Variants in ZPBP observed in about 807,000 individuals in gnomAD.
The protein encoded by ZPBP is zona pellucida-binding protein 1.
Under a neutral mutation model 44.8 loss-of-function variants are expected in ZPBP, and 26 were observed. The ratio of observed to expected loss-of-function variants is 0.58; its 90% CI spans 0.43 to 0.81. The LOEUF (loss-of-function observed/expected upper bound fraction) is 0.81, where lower values mean the gene tolerates loss of function less well. Ranked by LOEUF, ZPBP falls within the 30% of genes least tolerant of loss-of-function variation. The pLI, the probability that ZPBP is intolerant of heterozygous loss-of-function variation, is 0.00. For missense variants in ZPBP, 409 were observed against 434.0 expected (o/e 0.94, Z 0.51); for synonymous variants, 174 against 153.2 (o/e 1.14, Z -1.00).
At position 49,983,241 on chromosome 7, in the gene ZPBP, C is replaced by A. The variant is rs1583979231; in HGVS notation, c.961+101G>T. On this transcript the variant is annotated intron_variant, in intron 7 of 7. Transcript: ENST00000046087. Reference sequence around the variant, plus strand: ...CTTTAAATAAACTATGAAAAAATACCTAAATGATAGTAAAAATAAGTGATA... The same window carrying A: ...CTTTAAATAAACTATGAAAAAATACATAAATGATAGTAAAAATAAGTGATA... The A allele has an allele frequency of 6.8e-6, 7 of 1,028,008 alleles. No individual in the cohort carries two copies. The East Asian group carries it at 1.6e-4, about 23-fold the overall frequency. The allele number at this position is 1,028,008 out of a possible 1,614,324, so 63.7% of individuals were successfully genotyped here.
At chr7:50,022,352 T>C (rs191049378) in intron 5 of ZPBP, among the ~76,000 whole-genome samples, 13 of 151,972 alleles carry the variant, frequency 8.6e-5, no homozygotes, top group Non-Finnish European at 1.8e-4. Context: ...ATACACAATA[T>C]ATAGTAATGT....
At position 49,852,305 on chromosome 7, in the gene ZPBP, C is replaced by T. The variant is rs537382504; in HGVS notation, n.510-1791G>A. Among the ~76,000 whole-genome samples, 3 of 152,234 alleles carry T rather than the reference C, an allele frequency of 2.0e-5. No individual in the cohort carries two copies. The South Asian group carries it at 6.2e-4, about 32-fold the overall frequency. On this transcript the variant is annotated intron_variant and non_coding_transcript_variant, in intron 2 of 2. Coordinates refer to the ZPBP transcript ENST00000465922. The stretch of plus-strand genomic sequence containing the variant: ...GCTCTGTGGCTGTGCTCTTCAAGGA[C>T]CAAGGACATGCATGCAGATGACATT...
chr7:50,092,286 C>T (rs192160940), intron 1 of ZPBP, among the ~76,000 whole-genome samples: 155 of 152,280 alleles, frequency 1.0e-3, no homozygotes, highest in African/African-American at 3.6e-3. Flanking sequence ...ATTCCTGATG[C>T]CTGGACTTTG....
intron 3 of ZPBP, among the ~76,000 whole-genome samples, chr7:50,072,358 C>G (rs1346046380): frequency 6.6e-6 from 1 of 152,238 alleles, no homozygotes. Context: ...AGGCAGACTT[C>G]TAAGGTTTTT....
At chr7:49,882,160 T>C (rs1791694503) in intron 2 of ZPBP, among the ~76,000 whole-genome samples, 1 of 152,128 alleles carries the variant, frequency 6.6e-6, no homozygotes, top group East Asian at 1.9e-4. Flanking sequence ...ATAATCAATA[T>C]TTGTTCTCTT....
chr7:50,001,617 A>T (rs968080504), intron 6 of ZPBP, among the ~76,000 whole-genome samples: 1 of 152,208 alleles, frequency 6.6e-6, no homozygotes. Context: ...ACAATAGTTT[A>T]CAAGACACAC....
intron 7 of ZPBP, among the ~76,000 whole-genome samples, chr7:49,951,966 T>A (rs923580746): frequency 6.6e-6 from 1 of 151,776 alleles, no homozygotes; most frequent in Non-Finnish European, 1.5e-5. Context: ...AAAAGCCAGA[T>A]ACAAAATAAT....
intron 4 of ZPBP, among the ~76,000 whole-genome samples, chr7:50,055,124 CT>C (rs989438438): frequency 6.6e-6 from 1 of 152,114 alleles, no homozygotes; most frequent in Non-Finnish European, 1.5e-5. Flanking sequence ...AGACTAACAA[CT>C]TATCTTACAA....
intron 3 of ZPBP, 130 bp from the exon 4 acceptor site, chr7:50,058,271 G>A: frequency 1.1e-6 from 1 of 926,180 alleles, no homozygotes; most frequent in Non-Finnish European, 1.7e-6. Context: ...GCATAGCTAG[G>A]ACATTACATC....
At chr7:49,963,028 A>T (rs1433572882) in intron 7 of ZPBP, among the ~76,000 whole-genome samples, 1 of 151,706 alleles carries the variant, frequency 6.6e-6, no homozygotes, top group Admixed American at 6.6e-5. Flanking sequence ...CTAAAAAAAA[A>T]CCTGATAAAA....
chr7:50,060,732 T>C (rs981671676), intron 3 of ZPBP, among the ~76,000 whole-genome samples: 1 of 152,092 alleles, frequency 6.6e-6, no homozygotes, highest in South Asian at 2.1e-4. Flanking sequence ...CTACCTGACA[T>C]ATAAAGAAGG....
At chr7:50,003,127 T>C (rs1192375267) in intron 6 of ZPBP, among the ~76,000 whole-genome samples, 1 of 152,160 alleles carries the variant, frequency 6.6e-6, no homozygotes, top group Non-Finnish European at 1.5e-5. Context: ...AAATATACTG[T>C]TAACATAGTA....
chr7:50,033,504 T>A (rs1799692051), intron 4 of ZPBP, among the ~76,000 whole-genome samples: 1 of 152,096 alleles, frequency 6.6e-6, no homozygotes, highest in Non-Finnish European at 1.5e-5. Flanking sequence ...TCTAAATATT[T>A]TGGGGACTTC....
At chr7:49,959,182 T>C (rs922196268) in intron 7 of ZPBP, among the ~76,000 whole-genome samples, 1 of 151,570 alleles carries the variant, frequency 6.6e-6, no homozygotes, top group African/African-American at 2.4e-5. Flanking sequence ...TCCTCTAATA[T>C]TGGGAAAAGG....
At chr7:49,938,164 G>T (rs1382382478) in intron 7 of ZPBP, among the ~76,000 whole-genome samples, 10 of 152,178 alleles carry the variant, frequency 6.6e-5, no homozygotes, top group Admixed American at 5.9e-4. Flanking sequence ...AGCCACAAGA[G>T]GTCAACACTA....
chr7:50,047,208 A>G (rs1363429255), intron 4 of ZPBP, among the ~76,000 whole-genome samples: 1 of 152,050 alleles, frequency 6.6e-6, no homozygotes, highest in Non-Finnish European at 1.5e-5. Flanking sequence ...TGACAGATTG[A>G]TGGGTGCAGC....
At position 49,983,461 on chromosome 7, in the gene ZPBP, G is replaced by T. The variant is rs1265742562; in HGVS notation, c.842C>A (p.Ala281Glu). Reference sequence around the variant, plus strand: ...ATAGTATATTTGAGGTAATTGTTCTGCACGTCTGCCAAGAATTTCTACTTG... The same window carrying T: ...ATAGTATATTTGAGGTAATTGTTCTTCACGTCTGCCAAGAATTTCTACTTG... Reference protein sequence around the residue: ...NQQVEILGRRAEQLPQIYYIE... With the variant: ...NQQVEILGRREEQLPQIYYIE... Residue 281 changes from alanine (A) to glutamate (E), a missense_variant, in exon 7 of 8, where the codon GCA (alanine) becomes GAA (glutamate). Physicochemically the swap from Ala to Glu is moderately radical, Grantham distance 107 (BLOSUM62 -1). Coordinates refer to ENST00000046087, the MANE Select transcript of ZPBP (RefSeq NM_007009.3). 1.2e-6 allele frequency: 2 copies of T among 1,610,736 alleles called. No individual in the cohort carries two copies. Among genetic ancestry groups the T allele is most frequent in the East Asian group, 2.2e-5 (1 of 44,736 alleles).
intron 1 of ZPBP, among the ~76,000 whole-genome samples, chr7:49,923,676 G>GT (rs913216812): frequency 4.0e-5 from 6 of 151,810 alleles, no homozygotes; most frequent in African/African-American, 7.3e-5. Flanking sequence ...CCATTTTCTT[G>GT]TTTTTTTATT....
At chr7:49,995,552 A>T (rs1797786703) in intron 6 of ZPBP, among the ~76,000 whole-genome samples, 1 of 152,228 alleles carries the variant, frequency 6.6e-6, no homozygotes, top group Admixed American at 6.5e-5. Context: ...CAAATAGGAG[A>T]GATAAATGCG....
Sources: allele counts gnomAD v4.1 joint callset (sites outside exome capture counted in the v4.1 genomes callset), GRCh38; gene constraint gnomAD v4.1.1; transcripts MANE v1.5; gene names NCBI Gene and HGNC (gene_info 2026-07-23, HGNC 2026-07-21).